The following THSD7A variants were observed in gnomAD, a reference collection of about 807,000 sequenced individuals.
THSD7A encodes the protein thrombospondin type-1 domain-containing protein 7A.
A neutral mutation model predicts 231.3 loss-of-function variants in THSD7A; 96 were observed. The ratio of observed to expected loss-of-function variants is 0.41; its 90% CI spans 0.35 to 0.49. The LOEUF is 0.49. Ranked by LOEUF, THSD7A falls within the 20% of genes least tolerant of loss-of-function variation. The pLI is 0.05. For missense variants in THSD7A, 2,290 were observed against 2,070.2 expected (o/e 1.11, Z -2.06); for synonymous variants, 940 against 743.3 (o/e 1.26, Z -4.30).
chr7:11,555,922 A>G lies in THSD7A; in HGVS notation c.1454-12805T>C, dbSNP rs1456057472. 5.3e-5 allele frequency among the ~76,000 whole-genome samples: 8 copies of G among 151,792 alleles called. 1 individual carries two copies. Among genetic ancestry groups the G allele is most frequent in the Admixed American group, 5.3e-4 (8 of 15,212 alleles). On this transcript the variant is annotated intron_variant, in intron 4 of 27. Coordinates refer to ENST00000423059, the MANE Select transcript of THSD7A (RefSeq NM_015204.3). Reference sequence around the variant, plus strand: ...CCTGCTTCCATTGAATAACATTTTCATGACACACAGTTTCTCATTATTTTA... The same window carrying G: ...CCTGCTTCCATTGAATAACATTTTCGTGACACACAGTTTCTCATTATTTTA...
intron 11 of THSD7A, among the ~76,000 whole-genome samples, chr7:11,450,482 T>C (rs1785109216): frequency 1.3e-5 from 2 of 152,038 alleles, no homozygotes; most frequent in East Asian, 1.9e-4. Context: ...TGAAAATTTA[T>C]CCTACATCTC....
rs1262087693 is a variant in THSD7A at position 11,637,749 on chromosome 7, A to T, written c.191-788T>A. 6.6e-6 allele frequency among the ~76,000 whole-genome samples: 1 copy of T among 152,178 alleles called. No homozygotes were observed. The highest frequency in any genetic ancestry group is 1.5e-5 in the Non-Finnish European group (1 of 68,040). On this transcript the variant is annotated intron_variant, in intron 1 of 27. Coordinates refer to ENST00000423059, the MANE Select transcript of THSD7A (RefSeq NM_015204.3). This position sits in a 1 kb window ranked among gnomAD's most constrained non-coding sequence, Gnocchi z 4.2. ...TGGTATTACAGAGCTGTTTGATGTG[A>T]TACTTAAATCAGTGGCTTTAATATG... is the stretch of plus-strand genomic sequence containing the variant.
At position 11,541,433 on chromosome 7, in the gene THSD7A, C is replaced by A; in HGVS notation, c.1808G>T (p.Cys603Phe). 6.2e-7 allele frequency: 1 copy of A among 1,613,962 alleles called. No individual in the cohort carries two copies. ...GPGTQVQEVV[C>F]INSDGEEVDR... ...GTCTGTCTTACCATCACTGTTGATG[C>A]ACACAACCTCTTGAACTTGCGTGCC... The change falls in exon 6 of 28, where the codon TGC becomes TTC. Residue 603 changes from cysteine to phenylalanine, a missense_variant. Coordinates refer to ENST00000423059, the MANE Select transcript of THSD7A (RefSeq NM_015204.3).
At chr7:11,728,024 G>T (rs950505170) in intron 1 of THSD7A, among the ~76,000 whole-genome samples, 1 of 151,964 alleles carries the variant, frequency 6.6e-6, no homozygotes, top group Admixed American at 6.6e-5. Context: ...GTAAGAACTT[G>T]TTACTCCAAG....
At chr7:11,640,814 T>A (rs1333155276) in intron 1 of THSD7A, among the ~76,000 whole-genome samples, 2 of 152,140 alleles carry the variant, frequency 1.3e-5, no homozygotes, top group African/African-American at 2.4e-5. Context: ...AGTTTAATAA[T>A]ACTGGCATCT....
intron 4 of THSD7A, among the ~76,000 whole-genome samples, chr7:11,570,756 G>C (rs576218672): frequency 6.6e-5 from 10 of 152,162 alleles, no homozygotes; most frequent in Non-Finnish European, 1.5e-4. Flanking sequence ...TGTCAGCATT[G>C]CTACCCAGCC....
intron 1 of THSD7A, among the ~76,000 whole-genome samples, chr7:11,731,688 C>A (rs1300066805): frequency 1.3e-5 from 2 of 151,398 alleles, no homozygotes; most frequent in African/African-American, 4.8e-5. Flanking sequence ...AATCAATGCA[C>A]CTATAAATCA....
chr7:11,722,868 C>T (rs968087433), intron 1 of THSD7A, among the ~76,000 whole-genome samples: 1 of 151,966 alleles, frequency 6.6e-6, no homozygotes, highest in Non-Finnish European at 1.5e-5. Context: ...AACACTTTTA[C>T]ACTGCTGGTG....
intron 1 of THSD7A, among the ~76,000 whole-genome samples, chr7:11,830,280 C>G (rs570776486): frequency 6.6e-6 from 1 of 152,180 alleles, no homozygotes; most frequent in Admixed American, 6.5e-5. Context: ...TGTTACTTTG[C>G]TAGTATAAAT....
In THSD7A at chr7:11,575,499, G is replaced by A. The variant is rs1289326300; in HGVS notation, c.1453+14961C>T. ...TCAAGCCTTTCAATTTCCATTTGAGGATGCTTATCCTATCCTCACCGCAAT... is the reference window on the plus strand; with the variant it reads ...TCAAGCCTTTCAATTTCCATTTGAGAATGCTTATCCTATCCTCACCGCAAT... On this transcript the variant is annotated intron_variant, in intron 4 of 27. Transcript: ENST00000423059. 6.6e-5 allele frequency among the ~76,000 whole-genome samples: 10 copies of A among 152,126 alleles called. No individual in the cohort carries two copies. The East Asian group carries it at 1.5e-3, about 23-fold the overall frequency.
At chr7:11,503,459 G>A (rs947712727) in intron 6 of THSD7A, among the ~76,000 whole-genome samples, 3 of 152,076 alleles carry the variant, frequency 2.0e-5, no homozygotes, top group Non-Finnish European at 4.4e-5. Context: ...TTGACAAATG[G>A]GATCTAATTA....
At chr7:11,822,004 C>T (rs548576205) in intron 1 of THSD7A, among the ~76,000 whole-genome samples, 2 of 152,254 alleles carry the variant, frequency 1.3e-5, no homozygotes, top group East Asian at 1.9e-4. Flanking sequence ...TTTTTGGTAT[C>T]ATTGCTCCAA....
At chr7:11,772,121 A>G (rs1583277515) in intron 1 of THSD7A, among the ~76,000 whole-genome samples, 1 of 152,178 alleles carries the variant, frequency 6.6e-6, no homozygotes, top group South Asian at 2.1e-4. Context: ...ACAGACTAAT[A>G]CTCTAATCGT....
At chr7:11,725,371 C>A (rs1226732871) in intron 1 of THSD7A, among the ~76,000 whole-genome samples, 5 of 151,798 alleles carry the variant, frequency 3.3e-5, no homozygotes, top group Non-Finnish European at 7.4e-5. Context: ...TGGTGAAGAC[C>A]CGTACCACAC....
chr7:11,452,358 T>C (rs147495823), intron 11 of THSD7A, among the ~76,000 whole-genome samples: 223 of 152,162 alleles, frequency 1.5e-3, no homozygotes, highest in African/African-American at 5.3e-3. Context: ...TAGGTAGATA[T>C]AATGATCCTG....
intron 1 of THSD7A, among the ~76,000 whole-genome samples, chr7:11,644,327 ATTGATT>A (rs1291138381): frequency 6.6e-6 from 1 of 151,990 alleles, no homozygotes; most frequent in South Asian, 2.1e-4. Flanking sequence ...TACTAATTGA[ATTGATT>A]TAATTATAAA....
chr7:11,633,557 T>C (rs1272986019), intron 2 of THSD7A, among the ~76,000 whole-genome samples: 1 of 152,144 alleles, frequency 6.6e-6, no homozygotes, highest in Non-Finnish European at 1.5e-5. Flanking sequence ...AGATTCTGAG[T>C]GTTCATGAAA....
intron 1 of THSD7A, among the ~76,000 whole-genome samples, chr7:11,739,041 T>A (rs1290654207): frequency 6.6e-6 from 1 of 152,048 alleles, no homozygotes; most frequent in African/African-American, 2.4e-5. Flanking sequence ...TGTAGATCAG[T>A]GTTGGCCTCA....
intron 1 of THSD7A, among the ~76,000 whole-genome samples, chr7:11,716,338 A>G (rs34227958): frequency 0.54 from 81,238 of 151,300 alleles, 22,046 homozygotes; most frequent in South Asian, 0.73. Context: ...AGCAGGTGAT[A>G]ATAATGAAGT....
Sources: allele counts gnomAD v4.1 joint callset (sites outside exome capture counted in the v4.1 genomes callset), GRCh38; gene constraint gnomAD v4.1.1; non-coding constraint Gnocchi (gnomAD v3.1); transcripts MANE v1.5; gene names NCBI Gene and HGNC (gene_info 2026-07-23, HGNC 2026-07-21).